ITGB5: variants seen among roughly 807,000 people sequenced by gnomAD.
ITGB5 encodes the protein integrin beta-5.
A neutral mutation model predicts 84.8 loss-of-function variants in ITGB5; 38 were observed. That is an observed-to-expected ratio of 0.45 (90% CI 0.35 to 0.59). The LOEUF (loss-of-function observed/expected upper bound fraction) is 0.59. Among genes scored for constraint, ITGB5 ranks in the 20% least tolerant of loss-of-function variants. The probability of loss-of-function intolerance (pLI) is 0.01; values close to 1 mark genes in which losing one functional copy is unlikely to be tolerated. For synonymous variants in ITGB5, 393 were observed against 414.4 expected (o/e 0.95, Z 0.63); for missense variants, 905 against 1,034.5 (o/e 0.87, Z 1.72).
rs560650514 is a variant in ITGB5, at chr3:124,842,652, C to A, written c.612-1101G>T. The stretch of plus-strand genomic sequence containing the variant: ...GGGTCTCCAGCCATGTTAAGGAAGT[C>A]GCTCTTTCAGGATAAATGATGGAAA... On this transcript the variant is annotated intron_variant, in intron 4 of 14. Coordinates refer to ENST00000296181, the MANE Select transcript of ITGB5 (RefSeq NM_002213.5). Among the ~76,000 whole-genome samples the A allele has an allele frequency of 9.2e-5, 14 of 152,274 alleles. 1 individual carries two copies.
chr3:124,764,666 T>G, intron 13 of ITGB5, 109 bp from the exon 14 acceptor site: 2 of 1,010,062 alleles, frequency 2.0e-6, no homozygotes, highest in Non-Finnish European at 2.9e-6. Context: ...AAAGGCCTTC[T>G]CCTCGGCTCT....
intron 3 of ITGB5, among the ~76,000 whole-genome samples, chr3:124,858,617 C>T (rs9858709): frequency 0.16 from 23,869 of 152,098 alleles, 1,956 homozygotes; most frequent in South Asian, 0.21. Flanking sequence ...AAACATTACA[C>T]TTAGTGAAAC....
In ITGB5 at chr3:124,873,422, T is replaced by G. The variant is rs146832446; in HGVS notation, c.156+24A>C. The G allele has an allele frequency of 3.8e-5, 58 of 1,544,762 alleles. No individual in the cohort carries two copies. In the East Asian group the frequency reaches 1.1e-3, roughly 30 times the overall value. ...ACCCTCGCAGCATTCCTTCCCTTCT[T>G]CCTCCCCTCCCCCACCTACATACCT... On this transcript the variant is annotated intron_variant, in intron 2 of 14. Transcript: ENST00000296181.
chr3:124,830,168 C>CT (rs2064839254), intron 5 of ITGB5, among the ~76,000 whole-genome samples: 1 of 152,170 alleles, frequency 6.6e-6, no homozygotes, highest in Non-Finnish European at 1.5e-5. Flanking sequence ...AATTTGGCTT[C>CT]TTAAGGCTGA....
chr3:124,818,553 C>G (rs2064645443), intron 7 of ITGB5, among the ~76,000 whole-genome samples: 1 of 138,216 alleles, frequency 7.2e-6, no homozygotes, highest in Non-Finnish European at 1.5e-5. Flanking sequence ...TCACTCTGTC[C>G]CCCAGGCTGG....
chr3:124,812,089 A>G (rs1268272696), intron 8 of ITGB5, among the ~76,000 whole-genome samples: 1 of 152,254 alleles, frequency 6.6e-6, no homozygotes, highest in Non-Finnish European at 1.5e-5. Flanking sequence ...GCTGGAGGGC[A>G]GGACTGTGTT....
chr3:124,900,848 T>C (rs1379570629), intron 1 of ITGB5, among the ~76,000 whole-genome samples: 2 of 152,232 alleles, frequency 1.3e-5, no homozygotes, highest in Admixed American at 6.5e-5. Context: ...AAATAAAACA[T>C]TGATTTCTCT....
chr3:124,879,547 G>A (rs1485230611), intron 1 of ITGB5, among the ~76,000 whole-genome samples: 1 of 152,216 alleles, frequency 6.6e-6, no homozygotes, highest in African/African-American at 2.4e-5. Context: ...TATCCCAGCA[G>A]TTCTCATTCA....
At chr3:124,861,948 G>A (rs2065309243) in intron 2 of ITGB5, 1 of 152,320 alleles carries the variant, frequency 6.6e-6, no homozygotes, top group Non-Finnish European at 1.5e-5. Context: ...GTGAAGCAGT[G>A]AGAAGAAAAA....
At chr3:124,779,407 C>T (rs2063970283) in intron 10 of ITGB5, among the ~76,000 whole-genome samples, 1 of 152,096 alleles carries the variant, frequency 6.6e-6, no homozygotes, top group African/African-American at 2.4e-5. Context: ...GGAGGCCTCC[C>T]ACCACCAGCC....
intron 5 of ITGB5, among the ~76,000 whole-genome samples, chr3:124,826,271 T>C (rs2064783419): frequency 6.6e-6 from 1 of 152,162 alleles, no homozygotes; most frequent in South Asian, 2.1e-4. Flanking sequence ...CAGTCTCCAG[T>C]TCCTCCACGC....
chr3:124,812,278 C>G (rs2064516213), intron 8 of ITGB5, among the ~76,000 whole-genome samples: 1 of 152,158 alleles, frequency 6.6e-6, no homozygotes, highest in African/African-American at 2.4e-5. Context: ...TCAAGGTGCA[C>G]TCCTTAGTTC....
intron 8 of ITGB5, among the ~76,000 whole-genome samples, chr3:124,814,171 C>G (rs537476204): frequency 6.6e-6 from 1 of 152,218 alleles, no homozygotes; most frequent in Non-Finnish European, 1.5e-5. Context: ...ATCACAGGTT[C>G]TAATCAACAC....
rs61761665 is a variant in ITGB5 at position 124,817,301 on chromosome 3, A to C, written c.1128+320T>G. Among the ~76,000 whole-genome samples, 688 of 152,258 alleles carry C rather than the reference A, an allele frequency of 4.5e-3. 8 individuals carry two copies. The highest frequency in any genetic ancestry group is 0.016 in the African/African-American group (650 of 41,568). On this transcript the variant is annotated intron_variant, in intron 8 of 14. Transcript: ENST00000296181. ...GGGCACTGGGTAGGTGGAGAATACC[A>C]CTGCCTGCCTATGCGAGGTGTCAGA... is the stretch of plus-strand genomic sequence containing the variant.
At chr3:124,813,586 C>T (rs2064538901) in intron 8 of ITGB5, among the ~76,000 whole-genome samples, 1 of 152,198 alleles carries the variant, frequency 6.6e-6, no homozygotes, top group Non-Finnish European at 1.5e-5. Context: ...CTCAGGGACA[C>T]AGTTTGTTTA....
intron 10 of ITGB5, among the ~76,000 whole-genome samples, chr3:124,790,430 ACCGC>A (rs1440543897): frequency 3.5e-5 from 5 of 143,216 alleles, no homozygotes; most frequent in Non-Finnish European, 4.6e-5. Context: ...GGTTATCAGA[ACCGC>A]CTTTGACTAG....
intron 5 of ITGB5, among the ~76,000 whole-genome samples, chr3:124,841,123 G>A (rs1192672327): frequency 6.6e-6 from 1 of 152,204 alleles, no homozygotes; most frequent in Non-Finnish European, 1.5e-5. Context: ...GCAGACAGCT[G>A]TCTTCTAGCA....
chr3:124,766,148 T>G (rs2063764331), intron 13 of ITGB5, 78 bp downstream of exon 13: 7 of 1,480,036 alleles, frequency 4.7e-6, no homozygotes, highest in Non-Finnish European at 6.5e-6. Context: ...AGGGCAGTGG[T>G]CCCAGAGCAG....
chr3:124,762,913 T>G lies in ITGB5; in HGVS notation c.*710A>C, dbSNP rs17282078. On this transcript the variant is annotated 3_prime_UTR_variant, in exon 15 of 15. Coordinates refer to ENST00000296181, the MANE Select transcript of ITGB5 (RefSeq NM_002213.5). ...TCAATCCCCACTGGGGGCACCATTT[T>G]AAGTCCGCTCAGAAAGAAAGAAACA... 1 of 152,256 alleles carries G rather than the reference T, an allele frequency of 6.6e-6. No individual in the cohort carries two copies. Among genetic ancestry groups the G allele is most frequent in the Non-Finnish European group, 1.5e-5 (1 of 68,070 alleles). The allele number at this position is 152,256 out of a possible 1,614,324, so 9.4% of individuals were successfully genotyped here.
Sources: gnomAD v4.1 joint callset for allele counts (sites outside exome capture counted in the v4.1 genomes callset) on GRCh38, gnomAD v4.1.1 for gene constraint, MANE v1.5 for transcripts, NCBI Gene and HGNC (gene_info 2026-07-23, HGNC 2026-07-21) for gene names.